Variants in EXT1 observed in about 807,000 individuals in gnomAD.
EXT1 encodes exostosin glycosyltransferase 1.
In EXT1, 20 loss-of-function variants were observed where a neutral mutation model predicts 82.5. The ratio of observed to expected loss-of-function variants is 0.24; its 90% confidence interval spans 0.17 to 0.35. The LOEUF (loss-of-function observed/expected upper bound fraction) is 0.35, where lower values mean the gene tolerates loss of function less well. EXT1 is among the 10% of genes least tolerant of loss of function. EXT1 has a pLI of 1.00. For synonymous variants in EXT1, 348 were observed against 350.8 expected (o/e 0.99, Z 0.09); for missense variants, 757 against 936.5 (o/e 0.81, Z 2.50).
intron 1 of EXT1, among the ~76,000 whole-genome samples, chr8:118,061,126 CT>C (rs1816874147): frequency 6.6e-6 from 1 of 152,158 alleles, no homozygotes. Context: ...TACTGGTTTT[CT>C]CATCTAAAAT....
At chr8:118,108,296 A>G (rs887652868) in intron 1 of EXT1, among the ~76,000 whole-genome samples, 2 of 152,232 alleles carry the variant, frequency 1.3e-5, no homozygotes, top group African/African-American at 4.8e-5. Flanking sequence ...TAGCCCTTTT[A>G]GAAGGATGAA....
At chr8:117,964,569 A>G (rs1427546611) in intron 1 of EXT1, among the ~76,000 whole-genome samples, 9 of 152,218 alleles carry the variant, frequency 5.9e-5, no homozygotes, top group African/African-American at 2.2e-4. Context: ...TTTGGGAGGA[A>G]TGTGAATTTC....
intron 1 of EXT1, among the ~76,000 whole-genome samples, chr8:117,897,593 T>C (rs112418721): frequency 1.6e-5 from 2 of 127,186 alleles, no homozygotes; most frequent in African/African-American, 6.4e-5. Flanking sequence ...TCTTTTCTCT[T>C]TTTTTTTTTT....
chr8:118,056,171 A>C (rs1816791122), intron 1 of EXT1, among the ~76,000 whole-genome samples: 1 of 152,234 alleles, frequency 6.6e-6, no homozygotes, highest in Non-Finnish European at 1.5e-5. Flanking sequence ...CAGGTGGCCC[A>C]CAGGCCACAG....
intron 1 of EXT1, among the ~76,000 whole-genome samples, chr8:118,077,422 T>G (rs953332955): frequency 6.6e-6 from 1 of 152,128 alleles, no homozygotes; most frequent in Non-Finnish European, 1.5e-5. Flanking sequence ...CATAGATAGC[T>G]CTCCATACAC....
At chr8:117,830,958 G>C (rs1191995423) in intron 3 of EXT1, among the ~76,000 whole-genome samples, 1 of 152,130 alleles carries the variant, frequency 6.6e-6, no homozygotes, top group Non-Finnish European at 1.5e-5. Flanking sequence ...GTTCATATAT[G>C]ATTAGCCATC....
chr8:117,977,992 T>C (rs963372861), intron 1 of EXT1, among the ~76,000 whole-genome samples: 1 of 152,228 alleles, frequency 6.6e-6, no homozygotes, highest in Non-Finnish European at 1.5e-5. Context: ...AAAGAATTCC[T>C]GACCACAATA....
chr8:117,885,796 C>T (rs1813137738), intron 1 of EXT1, among the ~76,000 whole-genome samples: 1 of 152,078 alleles, frequency 6.6e-6, no homozygotes, highest in Admixed American at 6.6e-5. Context: ...AATCTTTTTC[C>T]TTCTCTCATA....
intron 1 of EXT1, among the ~76,000 whole-genome samples, chr8:118,074,321 T>C (rs1457980755): frequency 2.0e-5 from 3 of 152,152 alleles, no homozygotes; most frequent in Non-Finnish European, 4.4e-5. Context: ...CTTTTCCTGT[T>C]GCAAAGAGAA....
At chr8:117,847,015 T>G (rs1812373125) in intron 1 of EXT1, among the ~76,000 whole-genome samples, 1 of 152,190 alleles carries the variant, frequency 6.6e-6, no homozygotes, top group African/African-American at 2.4e-5. Context: ...TTGCCCATTT[T>G]TCTCATTTCC....
chr8:117,957,317 G>C (rs545277567), intron 1 of EXT1, among the ~76,000 whole-genome samples: 1 of 152,354 alleles, frequency 6.6e-6, no homozygotes, highest in South Asian at 2.1e-4. Context: ...TTTTGACTAA[G>C]TTGCAAACTA....
chr8:117,938,632 A>C (rs1191640653), intron 1 of EXT1, among the ~76,000 whole-genome samples: 1 of 152,232 alleles, frequency 6.6e-6, no homozygotes, highest in Non-Finnish European at 1.5e-5. Context: ...GGACAGCTCC[A>C]TAATCTATAG....
chr8:118,100,623 G>C (rs1205016253), intron 1 of EXT1, among the ~76,000 whole-genome samples: 1 of 151,910 alleles, frequency 6.6e-6, no homozygotes, highest in South Asian at 2.1e-4. Flanking sequence ...GCATGCACCT[G>C]TAGTCCCAGC....
intron 3 of EXT1, among the ~76,000 whole-genome samples, chr8:117,834,952 G>A (rs1023607308): frequency 6.6e-6 from 1 of 152,024 alleles, no homozygotes; most frequent in African/African-American, 2.4e-5. Flanking sequence ...TTTTATTAGG[G>A]GCTGCTCATT....
At chr8:117,904,287 C>T (rs1185663961) in intron 1 of EXT1, among the ~76,000 whole-genome samples, 26 of 152,240 alleles carry the variant, frequency 1.7e-4, no homozygotes, top group Non-Finnish European at 4.4e-5. Context: ...ACCTGATGTG[C>T]CTATGTCCTT....
chr8:118,001,850 T>C lies in EXT1; in HGVS notation c.962+108235A>G, dbSNP rs191598759. On this transcript the variant is annotated intron_variant, in intron 1 of 10. Coordinates refer to ENST00000378204, the MANE Select transcript of EXT1 (RefSeq NM_000127.3). ...ATGTGAATCCACATAGAAGTGCATTTGGGGCTACACTTAGAAAACCATGAC... is the reference window on the plus strand; with the variant it reads ...ATGTGAATCCACATAGAAGTGCATTCGGGGCTACACTTAGAAAACCATGAC... Among the ~76,000 whole-genome samples the C allele has an allele frequency of 3.9e-4, 60 of 152,320 alleles. 1 individual carries two copies. The highest frequency in any genetic ancestry group is 3.4e-3 in the Middle Eastern group (1 of 294).
At chr8:117,897,997 AT>A (rs1813374860) in intron 1 of EXT1, among the ~76,000 whole-genome samples, 1 of 152,188 alleles carries the variant, frequency 6.6e-6, no homozygotes, top group Middle Eastern at 3.2e-3. Context: ...ATGGCACAAA[AT>A]ACTTTCTAAG....
intron 1 of EXT1, among the ~76,000 whole-genome samples, chr8:117,997,588 T>C (rs569275852): frequency 1.2e-4 from 18 of 152,200 alleles, no homozygotes; most frequent in African/African-American, 3.9e-4. Context: ...GGATAAGTGG[T>C]TAAAGCCACT....
chr8:117,819,872 GC>G, intron 5 of EXT1, 78 bp from the exon 6 acceptor site: 1 of 1,315,200 alleles, frequency 7.6e-7, no homozygotes, highest in Non-Finnish European at 1.1e-6. Context: ...TTGCTCCGCT[GC>G]CTCATGCTGG....
Sources: gnomAD v4.1 joint callset for allele counts (sites outside exome capture counted in the v4.1 genomes callset) on GRCh38, gnomAD v4.1.1 for gene constraint, MANE v1.5 for transcripts, NCBI Gene and HGNC (gene_info 2026-07-23, HGNC 2026-07-21) for gene names.